The following COL23A1 variants were observed in gnomAD, a reference collection of about 807,000 sequenced individuals.
The protein encoded by COL23A1 is collagen alpha-1(XXIII) chain.
Under a neutral mutation model 99.3 loss-of-function variants are expected in COL23A1, and 97 were observed. That is an observed-to-expected ratio of 0.98 (90% CI 0.83 to 1.16). The LOEUF is 1.16. Among genes scored for constraint, COL23A1 ranks in the 50% most tolerant of loss-of-function variants. The probability of loss-of-function intolerance (pLI) is 0.00; values close to 1 mark genes in which losing one functional copy is unlikely to be tolerated. For synonymous variants in COL23A1, 320 were observed against 308.2 expected (o/e 1.04, Z -0.40); for missense variants, 762 against 757.4 (o/e 1.01, Z -0.07).
chr5:178,288,069 A>C (rs1757251745), intron 5 of COL23A1, among the ~76,000 whole-genome samples: 1 of 152,154 alleles, frequency 6.6e-6, no homozygotes, highest in South Asian at 2.1e-4. Flanking sequence ...GGACTTACTG[A>C]AGAAGCAGTG....
chr5:178,466,125 T>C (rs995216314), intron 2 of COL23A1, among the ~76,000 whole-genome samples: 4 of 152,142 alleles, frequency 2.6e-5, no homozygotes, highest in Admixed American at 6.5e-5. Flanking sequence ...CTCAGAGGCA[T>C]TGCAACGCAA....
At chr5:178,319,893 T>TATC (rs1554137674) in intron 2 of COL23A1, among the ~76,000 whole-genome samples, 2 of 151,988 alleles carry the variant, frequency 1.3e-5, no homozygotes, top group Admixed American at 6.5e-5. Flanking sequence ...TCCCCCGCCC[T>TATC]ATCTGCCCAC....
chr5:178,537,877 G>A (rs549199658), intron 2 of COL23A1, among the ~76,000 whole-genome samples: 1 of 152,166 alleles, frequency 6.6e-6, no homozygotes, highest in Non-Finnish European at 1.5e-5. Flanking sequence ...CACCACGTCC[G>A]CCTCCAGAGC....
Position 178,258,262 on chromosome 5 carries a change from T to TATATACACAC in COL23A1, c.730-696_730-695insGTGTGTATAT. ...ATATATATATATATATATATATATA[T>TATATACACAC]ACACATGCAAATCAATTCTAGGCAC... On this transcript the variant is annotated intron_variant, in intron 12 of 28. Coordinates refer to ENST00000390654, the MANE Select transcript of COL23A1 (RefSeq NM_173465.4). Among the ~76,000 whole-genome samples, 38 of 104,108 alleles carry TATATACACAC rather than the reference T, an allele frequency of 3.7e-4. 2 individuals carry two copies. The highest frequency in any genetic ancestry group is 5.4e-3 in the Middle Eastern group (1 of 186). 68.3% of individuals were successfully genotyped at this position (104,108 alleles called of 152,430 possible).
At chr5:178,487,318 T>G (rs984423154) in intron 2 of COL23A1, among the ~76,000 whole-genome samples, 7 of 150,146 alleles carry the variant, frequency 4.7e-5, no homozygotes, top group African/African-American at 1.7e-4. Flanking sequence ...ATTTATTTAT[T>G]TATTTATTTA....
chr5:178,548,553 CTTTT>C (rs3065159), intron 2 of COL23A1, among the ~76,000 whole-genome samples: 15 of 124,562 alleles, frequency 1.2e-4, no homozygotes, highest in Admixed American at 1.6e-4. Flanking sequence ...TTTGCCTATT[CTTTT>C]TTTTTTTTTT....
At position 178,313,011 on chromosome 5, in the gene COL23A1, C is replaced by G. The variant is rs895195370; in HGVS notation, c.362-6092G>C. 6.6e-6 allele frequency among the ~76,000 whole-genome samples: 1 copy of G among 152,168 alleles called. No individual in the cohort carries two copies. Among genetic ancestry groups the G allele is most frequent in the African/African-American group, 2.4e-5 (1 of 41,438 alleles). On this transcript the variant is annotated intron_variant, in intron 2 of 28. Coordinates refer to ENST00000390654, the MANE Select transcript of COL23A1 (RefSeq NM_173465.4). The surrounding 1 kb of genome is among the most constrained non-coding windows in gnomAD (Gnocchi z 4.2). Reference sequence around the variant, plus strand: ...CTGATACAGCGGGACGTGAGTCAGCCCTGGAGAGGAAGGAGTTCCTGCGCA... The same window carrying G: ...CTGATACAGCGGGACGTGAGTCAGCGCTGGAGAGGAAGGAGTTCCTGCGCA...
At chr5:178,453,372 G>C (rs1338715504) in intron 2 of COL23A1, among the ~76,000 whole-genome samples, 2 of 152,136 alleles carry the variant, frequency 1.3e-5, no homozygotes, top group East Asian at 3.8e-4. Context: ...TTAGAAGAAA[G>C]AGCATGATGG....
intron 2 of COL23A1, among the ~76,000 whole-genome samples, chr5:178,359,729 C>G (rs143815117): frequency 9.2e-5 from 14 of 152,344 alleles, no homozygotes; most frequent in African/African-American, 2.9e-4. Flanking sequence ...GAGCTCAGAT[C>G]TTGTGTGCAA....
intron 1 of COL23A1, among the ~76,000 whole-genome samples, chr5:178,571,933 T>TG (rs1456047627): frequency 6.6e-6 from 1 of 152,040 alleles, no homozygotes; most frequent in African/African-American, 2.4e-5. Flanking sequence ...CTGGGTGTGG[T>TG]GGCGGGCGCC....
At chr5:178,333,418 C>T (rs1008889418) in intron 2 of COL23A1, among the ~76,000 whole-genome samples, 1 of 152,046 alleles carries the variant, frequency 6.6e-6, no homozygotes. Context: ...AATCCAGCGT[C>T]CTCCCTCACC....
At chr5:178,496,253 G>A (rs934409985) in intron 2 of COL23A1, among the ~76,000 whole-genome samples, 1 of 152,046 alleles carries the variant, frequency 6.6e-6, no homozygotes, top group Admixed American at 6.6e-5. Flanking sequence ...GTATATACAC[G>A]GTTTAGTTTT....
rs1375755618 is a variant in COL23A1 at position 178,366,283 on chromosome 5, G to C, written c.362-59364C>G. ...CAGTGGGGAGGGGCACCGCTGCCTT[G>C]CCCGAGGTTCCCTCTGCACCCCACG... On this transcript the variant is annotated intron_variant, in intron 2 of 28. Transcript: ENST00000390654. The surrounding 1 kb of genome is among the most constrained non-coding windows in gnomAD (Gnocchi z 4.4). 6.6e-6 allele frequency among the ~76,000 whole-genome samples: 1 copy of C among 152,172 alleles called. No homozygotes were observed. The highest frequency in any genetic ancestry group is 2.4e-5 in the African/African-American group (1 of 41,448).
chr5:178,574,903 G>A (rs1763274927), intron 1 of COL23A1, among the ~76,000 whole-genome samples: 1 of 152,158 alleles, frequency 6.6e-6, no homozygotes, highest in South Asian at 2.1e-4. Context: ...ACCTGATTTG[G>A]CATGTGAGAT....
chr5:178,392,706 A>G (rs889655426), intron 2 of COL23A1, among the ~76,000 whole-genome samples: 1 of 152,242 alleles, frequency 6.6e-6, no homozygotes, highest in Non-Finnish European at 1.5e-5. Flanking sequence ...TGGCCGGCTC[A>G]GCTTTTCACC....
intron 2 of COL23A1, among the ~76,000 whole-genome samples, chr5:178,355,480 T>C (rs973658577): frequency 6.6e-6 from 1 of 152,324 alleles, no homozygotes; most frequent in South Asian, 2.1e-4. Flanking sequence ...TAGTCTGTTC[T>C]CGCATTGCTA....
At chr5:178,327,625 G>A (rs902953159) in intron 2 of COL23A1, among the ~76,000 whole-genome samples, 1 of 152,170 alleles carries the variant, frequency 6.6e-6, no homozygotes, top group African/African-American at 2.4e-5. Context: ...GGGCTCAGGC[G>A]ACTGGAGGGG....
intron 2 of COL23A1, among the ~76,000 whole-genome samples, chr5:178,518,702 G>GCTGGC (rs1460772626): frequency 1.3e-4 from 19 of 146,024 alleles, no homozygotes; most frequent in African/African-American, 4.0e-4. Context: ...CAGACGATGG[G>GCTGGC]CGGCCAGGCA....
At chr5:178,326,212 G>A (rs984563436) in intron 2 of COL23A1, among the ~76,000 whole-genome samples, 9 of 152,288 alleles carry the variant, frequency 5.9e-5, no homozygotes, top group African/African-American at 2.2e-4. Flanking sequence ...CTCGCGGCAA[G>A]CCTGCTTGAC....
Sources: gnomAD v4.1 joint callset for allele counts (sites outside exome capture counted in the v4.1 genomes callset) on GRCh38, gnomAD v4.1.1 for gene constraint, Gnocchi (gnomAD v3.1) non-coding constraint, MANE v1.5 for transcripts, NCBI Gene and HGNC (gene_info 2026-07-23, HGNC 2026-07-21) for gene names.